The following NSD3 variants were observed in gnomAD, a reference collection of about 807,000 sequenced individuals.
The protein encoded by NSD3 is nuclear receptor binding SET domain protein 3, also known as histone-lysine N-methyltransferase NSD3.
NSD3 carries 24 observed loss-of-function variants against 160.8 expected under a neutral mutation model. That is an observed-to-expected ratio of 0.15 (90% CI 0.11 to 0.21). The LOEUF (loss-of-function observed/expected upper bound fraction) is 0.21, where lower values mean the gene tolerates loss of function less well. Among genes scored for constraint, NSD3 ranks in the 10% least tolerant of loss-of-function variants. The probability of loss-of-function intolerance (pLI) is 1.00; values close to 1 mark genes in which losing one functional copy is unlikely to be tolerated. For missense variants in NSD3, 1,157 were observed against 1,735.9 expected, an observed-to-expected ratio of 0.67 and a Z score of 5.93; for synonymous variants, 520 against 600.0, an observed-to-expected ratio of 0.87 and a Z score of 1.95.
At chr8:38,381,060 G>A (rs1356963512) in intron 1 of NSD3, among the ~76,000 whole-genome samples, 2 of 152,052 alleles carry the variant, frequency 1.3e-5, no homozygotes, top group African/African-American at 2.4e-5. Flanking sequence ...TTGAAAGAAA[G>A]ACACAGAATA....
At chr8:38,369,697 C>T (rs1811193037) in intron 1 of NSD3, among the ~76,000 whole-genome samples, 1 of 152,214 alleles carries the variant, frequency 6.6e-6, no homozygotes. Context: ...GATAAGAACA[C>T]TGATCTTCAG....
intron 6 of NSD3, among the ~76,000 whole-genome samples, chr8:38,327,255 C>T (rs948196294): frequency 4.0e-5 from 6 of 151,896 alleles, no homozygotes; most frequent in Non-Finnish European, 8.8e-5. Flanking sequence ...GAGGTTTCAC[C>T]ATGTTGGCCA....
chr8:38,349,437 G>T (rs1482319299), intron 1 of NSD3, among the ~76,000 whole-genome samples: 1 of 151,372 alleles, frequency 6.6e-6, no homozygotes, highest in East Asian at 1.9e-4. Flanking sequence ...TCCTGCTTCA[G>T]CCTCCCAAAG....
intron 4 of NSD3, chr8:38,335,959 C>G (rs1810206323): frequency 6.6e-6 from 1 of 152,232 alleles, no homozygotes; most frequent in Non-Finnish European, 1.5e-5. Flanking sequence ...GCTGACACAT[C>G]CCGTCTCCTA....
At chr8:38,334,099 A>G (rs1810144312) in intron 4 of NSD3, among the ~76,000 whole-genome samples, 1 of 152,200 alleles carries the variant, frequency 6.6e-6, no homozygotes, top group African/African-American at 2.4e-5. Context: ...TAATTAACAG[A>G]ATTTTTAGGC....
At chr8:38,290,344 G>T in intron 17 of NSD3, 131 bp downstream of exon 17, 1 of 897,302 alleles carries the variant, frequency 1.1e-6, no homozygotes, top group Non-Finnish European at 1.8e-6. Flanking sequence ...GTGACTGGAA[G>T]CTTATGGACA....
chr8:38,360,920 T>C (rs1810944741), intron 1 of NSD3, among the ~76,000 whole-genome samples: 1 of 152,216 alleles, frequency 6.6e-6, no homozygotes, highest in African/African-American at 2.4e-5. Context: ...ACTCAAGATG[T>C]ATCAACAGAA....
intron 1 of NSD3, among the ~76,000 whole-genome samples, chr8:38,368,907 C>G (rs1563370805): frequency 1.3e-5 from 2 of 152,094 alleles, no homozygotes; most frequent in African/African-American, 4.8e-5. Context: ...TATTTTCTTA[C>G]CTATTTCCTG....
chr8:38,362,446 C>CA, intron 1 of NSD3, among the ~76,000 whole-genome samples: 1 of 151,706 alleles, frequency 6.6e-6, no homozygotes, highest in East Asian at 1.9e-4. Flanking sequence ...CAGAGGAAAA[C>CA]AGAAAAAAAA....
chr8:38,349,229 A>C (rs1218094869), intron 1 of NSD3, among the ~76,000 whole-genome samples: 1 of 152,208 alleles, frequency 6.6e-6, no homozygotes, highest in African/African-American at 2.4e-5. Flanking sequence ...TAGTAAACAA[A>C]CGTGGTATTT....
At chr8:38,295,138 C>A (rs374014136) in intron 16 of NSD3, among the ~76,000 whole-genome samples, 3 of 131,572 alleles carry the variant, frequency 2.3e-5, no homozygotes, top group African/African-American at 5.7e-5. Context: ...AGCAACACTC[C>A]GTCTCAAAAA....
chr8:38,329,782 T>A lies in NSD3; in HGVS notation c.1177A>T (p.Ile393Phe), dbSNP rs912204145. 1 of 1,614,224 alleles carries A rather than the reference T, an allele frequency of 6.2e-7. No homozygotes were observed. Among genetic ancestry groups the A allele is most frequent in the South Asian group, 1.1e-5 (1 of 91,086 alleles). Residue 393 changes from isoleucine to phenylalanine, a missense_variant, in exon 6 of 24, where the codon ATT becomes TTT. Transcript: ENST00000317025. The surrounding 1 kb of genome is among the most constrained non-coding windows in gnomAD (Gnocchi z 4.8). ...TCTTCAGGCTGTTTATCAATGTAAA[T>A]AAAAGTATACTGTTCTATTCTTTCT... is the stretch of plus-strand genomic sequence containing the variant. ...REERIEQYTF[I>F]YIDKQPEEAL...
In NSD3 at chr8:38,314,630, G is replaced by A. The variant is rs781463756; in HGVS notation, c.2242+17C>T. The A allele has an allele frequency of 2.0e-5, 32 of 1,613,812 alleles. No homozygotes were observed. The highest frequency in any genetic ancestry group is 2.5e-5 in the Non-Finnish European group (29 of 1,179,954). ...TCCCATTCATCTTTTCATGACTATC[G>A]AAATAAGTCATCTTACCAGTTTTAC... On this transcript the variant is annotated intron_variant, in intron 12 of 23. Coordinates refer to ENST00000317025, the MANE Select transcript of NSD3 (RefSeq NM_023034.2).
At chr8:38,358,637 T>C (rs1252584723) in intron 1 of NSD3, among the ~76,000 whole-genome samples, 1 of 152,224 alleles carries the variant, frequency 6.6e-6, no homozygotes, top group African/African-American at 2.4e-5. Context: ...AGCTTAAGCA[T>C]AGATTCTGTG....
In NSD3 at chr8:38,378,424, G is replaced by A. The variant is rs561427843; in HGVS notation, c.-45+3375C>T. Among the ~76,000 whole-genome samples the A allele has an allele frequency of 1.1e-3, 169 of 152,186 alleles. 1 individual carries two copies. The highest frequency in any genetic ancestry group is 3.9e-3 in the African/African-American group (163 of 41,530). On this transcript the variant is annotated intron_variant, in intron 1 of 23. Coordinates refer to ENST00000317025, the MANE Select transcript of NSD3 (RefSeq NM_023034.2). ...TGGGAGGCCGAGGCGGGTGGATCAC[G>A]AGGTCAGGAGATCGAGACCATCCTG...
intron 4 of NSD3, among the ~76,000 whole-genome samples, chr8:38,332,429 G>A (rs953494001): frequency 5.3e-5 from 8 of 152,130 alleles, no homozygotes; most frequent in Non-Finnish European, 1.0e-4. Flanking sequence ...GAGCCACTGC[G>A]CCTGCATCTC....
rs181888861 is a variant in NSD3 at position 38,313,742 on chromosome 8, T to C, written c.2242+905A>G. 2.1e-3 allele frequency among the ~76,000 whole-genome samples: 318 copies of C among 149,640 alleles called. 2 individuals carry two copies. Among genetic ancestry groups the C allele is most frequent in the African/African-American group, 7.4e-3 (300 of 40,610 alleles). ...GGCGGAGCTTGCGGTGAGCCTAGATTGTGCCACTGCACTCCAGCCTGGGCG... is the reference window on the plus strand; with the variant it reads ...GGCGGAGCTTGCGGTGAGCCTAGATCGTGCCACTGCACTCCAGCCTGGGCG... On this transcript the variant is annotated intron_variant, in intron 12 of 23. Coordinates refer to ENST00000317025, the MANE Select transcript of NSD3 (RefSeq NM_023034.2).
At position 38,341,782 on chromosome 8, in the gene NSD3, T is replaced by A. The variant is rs1585903967; in HGVS notation, c.676-3175A>T. ...GCTTGGGCAACATGGCGAGACCCCA[T>A]CTCTATAAAAAAAGAGCCAGGCGTA... On this transcript the variant is annotated intron_variant, in intron 2 of 23. Coordinates refer to ENST00000317025, the MANE Select transcript of NSD3 (RefSeq NM_023034.2). 5.3e-5 allele frequency among the ~76,000 whole-genome samples: 8 copies of A among 151,422 alleles called. No individual in the cohort carries two copies. In the South Asian group the frequency reaches 1.5e-3, roughly 28 times the overall value.
Position 38,282,722 on chromosome 8 carries a change from A to G in NSD3, c.3502-1139T>C, listed in dbSNP as rs566555559. Among the ~76,000 whole-genome samples, 31 of 152,350 alleles carry G rather than the reference A, an allele frequency of 2.0e-4. 1 individual carries two copies. The East Asian group carries it at 4.2e-3, about 21-fold the overall frequency. On this transcript the variant is annotated intron_variant, in intron 19 of 23. Coordinates refer to ENST00000317025, the MANE Select transcript of NSD3 (RefSeq NM_023034.2). ...AAGGAATGTTTTATAATGGAATGATATAGTACAGAACCTTTTGAGATTGGC... is the reference window on the plus strand; with the variant it reads ...AAGGAATGTTTTATAATGGAATGATGTAGTACAGAACCTTTTGAGATTGGC...
Sources: allele counts gnomAD v4.1 joint callset (sites outside exome capture counted in the v4.1 genomes callset), GRCh38; gene constraint gnomAD v4.1.1; non-coding constraint Gnocchi (gnomAD v3.1); transcripts MANE v1.5; gene names NCBI Gene and HGNC (gene_info 2026-07-23, HGNC 2026-07-21).